SOX5: variants seen among roughly 807,000 people sequenced by gnomAD.
The protein encoded by SOX5 is transcription factor SOX-5.
In SOX5, 9 loss-of-function variants were observed where a neutral mutation model predicts 92.0. The observed-to-expected ratio is 0.10, with a 90% confidence interval of 0.06 to 0.17. SOX5 has a LOEUF of 0.17. Ranked by LOEUF, SOX5 falls within the 10% of genes least tolerant of loss-of-function variation. The pLI is 1.00. For missense variants in SOX5, 642 were observed against 944.5 expected, an observed-to-expected ratio of 0.68 and a Z score of 4.20; for synonymous variants, 344 against 336.3, an observed-to-expected ratio of 1.02 and a Z score of -0.25.
At chr12:23,868,896 C>G (rs1159175788) in intron 2 of SOX5, among the ~76,000 whole-genome samples, 1 of 152,110 alleles carries the variant, frequency 6.6e-6, no homozygotes, top group African/African-American at 2.4e-5. Flanking sequence ...CCTCTTATGA[C>G]TCCTCAACAA....
At chr12:23,732,988 CATT>C (rs2093447731) in intron 6 of SOX5, among the ~76,000 whole-genome samples, 2 of 152,148 alleles carry the variant, frequency 1.3e-5, no homozygotes, top group Non-Finnish European at 2.9e-5. Context: ...AACTTTTTGT[CATT>C]ATGACAGGGC....
chr12:23,694,220 G>T (rs1015997174), intron 6 of SOX5, among the ~76,000 whole-genome samples: 1 of 152,070 alleles, frequency 6.6e-6, no homozygotes, highest in Admixed American at 6.6e-5. Flanking sequence ...ACCTGTCTAT[G>T]AATGAATTTC....
chr12:24,060,634 T>C lies in SOX5; in HGVS notation c.-2+152709A>G, dbSNP rs117215313. Among the ~76,000 whole-genome samples the C allele has an allele frequency of 5.6e-3, 849 of 152,312 alleles. 4 individuals are homozygous for C. The highest frequency in any genetic ancestry group is 0.02 in the East Asian group (105 of 5,184). On this transcript the variant is annotated intron_variant, in intron 4 of 4. Coordinates refer to the SOX5 transcript ENST00000446891. ...TCCATTCTCAAACAAGAGTTAGGCA[T>C]AGGACCATACCCTAGCCAAAGAGCA...
At chr12:23,763,112 A>G (rs1438949543) in intron 3 of SOX5, among the ~76,000 whole-genome samples, 1 of 152,226 alleles carries the variant, frequency 6.6e-6, no homozygotes, top group African/African-American at 2.4e-5. Flanking sequence ...ATAATGTCAC[A>G]TATAACCTGA....
rs141872843 is a variant in SOX5 at position 23,903,354 on chromosome 12, G to A, written c.39-7330C>T. On this transcript the variant is annotated intron_variant, in intron 1 of 14. Transcript: ENST00000451604. Reference sequence around the variant, plus strand: ...TATTCTAGCACTTTAGGAGACCAAGGCAGGAAGATTCCTTGAGCCCTGGAA... The same window carrying A: ...TATTCTAGCACTTTAGGAGACCAAGACAGGAAGATTCCTTGAGCCCTGGAA... Among the ~76,000 whole-genome samples the A allele has an allele frequency of 3.9e-5, 6 of 152,250 alleles. No individual in the cohort carries two copies. In the East Asian group the frequency reaches 1.2e-3, roughly 29 times the overall value.
chr12:24,223,786 C>A (rs1049033874), intron 3 of SOX5, among the ~76,000 whole-genome samples: 4 of 149,550 alleles, frequency 2.7e-5, no homozygotes, highest in East Asian at 1.9e-4. Context: ...CAAAAAACAA[C>A]AAACAAACAA....
At chr12:24,317,615 T>C (rs888216346) in intron 2 of SOX5, among the ~76,000 whole-genome samples, 1 of 152,170 alleles carries the variant, frequency 6.6e-6, no homozygotes, top group Non-Finnish European at 1.5e-5. Context: ...TCAACTCCCA[T>C]AGTTTCCTTC....
chr12:24,042,321 G>T (rs781379600), intron 4 of SOX5, among the ~76,000 whole-genome samples: 2 of 152,078 alleles, frequency 1.3e-5, no homozygotes, highest in Non-Finnish European at 2.9e-5. Context: ...AAACAAAGCA[G>T]TAATAAAGAA....
chr12:23,725,361 G>A (rs1052257963), intron 6 of SOX5, among the ~76,000 whole-genome samples: 1 of 152,118 alleles, frequency 6.6e-6, no homozygotes, highest in Non-Finnish European at 1.5e-5. Flanking sequence ...GCAATGGGAC[G>A]TCTTACATGG....
chr12:24,319,269 G>A (rs1237551008), intron 2 of SOX5, among the ~76,000 whole-genome samples: 5 of 152,094 alleles, frequency 3.3e-5, no homozygotes, highest in Non-Finnish European at 7.4e-5. Flanking sequence ...TCCCCCTCAA[G>A]CTGACATATT....
chr12:23,715,161 C>T (rs1054095594), intron 6 of SOX5, among the ~76,000 whole-genome samples: 1 of 151,726 alleles, frequency 6.6e-6, no homozygotes, highest in African/African-American at 2.4e-5. Flanking sequence ...TAGCCGGGTG[C>T]GATGGCGGGC....
intron 9 of SOX5, among the ~76,000 whole-genome samples, chr12:23,595,313 C>G (rs1952192759): frequency 6.6e-6 from 1 of 151,872 alleles, no homozygotes; most frequent in Non-Finnish European, 1.5e-5. Context: ...CACATGAAAT[C>G]TGAAGAACTT....
intron 4 of SOX5, among the ~76,000 whole-genome samples, chr12:24,046,140 G>C (rs906494473): frequency 2.0e-5 from 3 of 152,190 alleles, no homozygotes; most frequent in African/African-American, 7.2e-5. Flanking sequence ...TAAATAACGT[G>C]ACTTTGTGCT....
intron 1 of SOX5, chr12:24,460,642 T>G (rs923231350): frequency 6.6e-6 from 1 of 152,224 alleles, no homozygotes; most frequent in Non-Finnish European, 1.5e-5. Context: ...TTTCACATCA[T>G]GAGGAATAAT....
intron 4 of SOX5, among the ~76,000 whole-genome samples, chr12:23,967,131 C>A (rs1740158708): frequency 6.6e-6 from 1 of 152,092 alleles, no homozygotes; most frequent in South Asian, 2.1e-4. Context: ...ATTATTTAAG[C>A]ATTTCATTTA....
chr12:24,164,853 T>G (rs1274446934), intron 4 of SOX5, among the ~76,000 whole-genome samples: 3 of 152,104 alleles, frequency 2.0e-5, no homozygotes, highest in African/African-American at 7.2e-5. Context: ...TTCTTCTTTA[T>G]GACATATTTT....
At chr12:23,555,892 A>G (rs1375043586) in intron 11 of SOX5, among the ~76,000 whole-genome samples, 1 of 152,224 alleles carries the variant, frequency 6.6e-6, no homozygotes, top group African/African-American at 2.4e-5. Context: ...GAAGAAAACC[A>G]TCTAGAACAA....
intron 1 of SOX5, among the ~76,000 whole-genome samples, chr12:24,406,472 C>T (rs1311521738): frequency 1.3e-5 from 2 of 152,150 alleles, no homozygotes; most frequent in Non-Finnish European, 2.9e-5. Context: ...CTACTTTTCC[C>T]CTCTTCTTTC....
chr12:23,885,079 A>C (rs994845181), intron 2 of SOX5, among the ~76,000 whole-genome samples: 5 of 152,144 alleles, frequency 3.3e-5, no homozygotes, highest in Non-Finnish European at 7.4e-5. Flanking sequence ...CTAGCGGTGC[A>C]AAGCATGCCA....
Sources: gnomAD v4.1 joint callset for allele counts (sites outside exome capture counted in the v4.1 genomes callset) on GRCh38, gnomAD v4.1.1 for gene constraint, MANE v1.5 for transcripts, NCBI Gene and HGNC (gene_info 2026-07-23, HGNC 2026-07-21) for gene names.